OR2M3: variants seen among roughly 807,000 people sequenced by gnomAD.
The protein encoded by OR2M3 is olfactory receptor family 2 subfamily M member 3, also known as olfactory receptor 2M3.
Under a neutral mutation model 4.3 loss-of-function variants are expected in OR2M3, and 1 was observed. That is an observed-to-expected ratio of 0.23 (90% CI 0.08 to 1.11). The LOEUF is 1.11. Ranked by LOEUF, OR2M3 falls within the 50% of genes most tolerant of loss-of-function variation. The pLI, the probability that OR2M3 is intolerant of heterozygous loss-of-function variation, is 0.54. For synonymous variants in OR2M3, 151 were observed against 139.4 expected (o/e 1.08, Z -0.59); for missense variants, 410 against 390.4 (o/e 1.05, Z -0.42).
At position 248,206,571 on chromosome 1, in the gene OR2M3, T is replaced by G. The variant is rs1250213197; in HGVS notation, c.*2565T>G. 1 of 152,126 alleles carries G rather than the reference T, an allele frequency of 6.6e-6. No homozygotes were observed. The highest frequency in any genetic ancestry group is 6.6e-5 in the Admixed American group (1 of 15,252). 9.4% of individuals were successfully genotyped at this position (152,126 alleles called of 1,614,324 possible). On this transcript the variant is annotated 3_prime_UTR_variant, in exon 2 of 2. Transcript: ENST00000641626. ...TCTGTCTATTGAGATGATCATGTGA[T>G]TTTTGTTTTTAATTCTGTTTATGTG... is the stretch of plus-strand genomic sequence containing the variant.
At chr1:248,199,557 C>T (rs1666134315) in intron 1 of OR2M3, among the ~76,000 whole-genome samples, 3 of 152,098 alleles carry the variant, frequency 2.0e-5, no homozygotes, top group African/African-American at 7.2e-5. Flanking sequence ...AGTTGGATCT[C>T]ATATTCCTAG....
rs1666293712 is a variant in OR2M3, at chr1:248,212,649, A to T, written c.*8643A>T. On this transcript the variant is annotated 3_prime_UTR_variant, in exon 2 of 2. Coordinates refer to ENST00000641626, the MANE Select transcript of OR2M3 (RefSeq NM_001004689.2). ...TTATTGTTTTATAATTTTAAACATA[A>T]TTTTTTTCTAAGTTAATTGAAATTA... is the stretch of plus-strand genomic sequence containing the variant. 6.6e-6 allele frequency: 1 copy of T among 151,930 alleles called. No homozygotes were observed. Among genetic ancestry groups the T allele is most frequent in the Non-Finnish European group, 1.5e-5 (1 of 67,936 alleles). The allele number at this position is 151,930 out of a possible 1,614,324, so 9.4% of individuals were successfully genotyped here.
intron 1 of OR2M3, among the ~76,000 whole-genome samples, chr1:248,201,565 A>C (rs1451322055): frequency 2.0e-5 from 3 of 151,888 alleles, no homozygotes; most frequent in African/African-American, 7.3e-5. Context: ...ATTTAACATT[A>C]GGTATATCTC....
intron 1 of OR2M3, among the ~76,000 whole-genome samples, chr1:248,199,637 G>A (rs778142207): frequency 1.3e-5 from 2 of 152,004 alleles, no homozygotes; most frequent in Non-Finnish European, 1.5e-5. Context: ...TTCCTCATGA[G>A]TAACACATTA....
rs1281495064 is a variant in OR2M3, at chr1:248,210,974, T to A, written c.*6968T>A. 6.6e-6 allele frequency: 1 copy of A among 152,226 alleles called. No individual in the cohort carries two copies. The highest frequency in any genetic ancestry group is 1.5e-5 in the Non-Finnish European group (1 of 68,062). The allele number at this position is 152,226 out of a possible 1,614,324, so 9.4% of individuals were successfully genotyped here. On this transcript the variant is annotated 3_prime_UTR_variant, in exon 2 of 2. Coordinates refer to ENST00000641626, the MANE Select transcript of OR2M3 (RefSeq NM_001004689.2). Reference sequence around the variant, plus strand: ...GGAGCTGCAAGCTAGTCCTGCCTCCTATCCACCATCTTAATCCTAGTCAGG... The same window carrying A: ...GGAGCTGCAAGCTAGTCCTGCCTCCAATCCACCATCTTAATCCTAGTCAGG...
intron 1 of OR2M3, among the ~76,000 whole-genome samples, chr1:248,200,574 G>T (rs1666144763): frequency 6.6e-6 from 1 of 152,044 alleles, no homozygotes. Flanking sequence ...AAGGGAGGAG[G>T]TTGAGGCCTG....
rs1666293193 is a variant in OR2M3, at chr1:248,212,596, C to A, written c.*8590C>A. 1 of 151,074 alleles carries A rather than the reference C, an allele frequency of 6.6e-6. No homozygotes were observed. The highest frequency in any genetic ancestry group is 6.6e-5 in the Admixed American group (1 of 15,178). The allele number at this position is 151,074 out of a possible 1,614,324, so 9.4% of individuals were successfully genotyped here. On this transcript the variant is annotated 3_prime_UTR_variant, in exon 2 of 2. Coordinates refer to ENST00000641626, the MANE Select transcript of OR2M3 (RefSeq NM_001004689.2). ...TTAGTTTTTTTTTCTTTTTCTTGGTCTGGTATTAAAGAAGCATTTTCCAAA... is the reference window on the plus strand; with the variant it reads ...TTAGTTTTTTTTTCTTTTTCTTGGTATGGTATTAAAGAAGCATTTTCCAAA...
intron 1 of OR2M3, 80 bp from the exon 2 acceptor site, chr1:248,202,970 C>T (rs1666173863): frequency 8.6e-6 from 11 of 1,275,996 alleles, no homozygotes; most frequent in African/African-American, 1.5e-5. Flanking sequence ...CACCCAACTA[C>T]AGAAGTTACC....
rs1666192967 is a variant in OR2M3, at chr1:248,203,813, G to A, written c.746G>A (p.Gly249Glu). The A allele has an allele frequency of 1.2e-6, 2 of 1,613,060 alleles. No individual in the cohort carries two copies. The highest frequency in any genetic ancestry group is 2.7e-5 in the African/African-American group (2 of 74,804). ...TGTTCCTCTCACCTCTTGGTGGTGG[G>A]AATGTACTATGGAGCAGCTTTGTTC... ...TTCSSHLLVVGMYYGAALFMY... is the reference protein window; with the variant it reads ...TTCSSHLLVVEMYYGAALFMY... The change falls in exon 2 of 2, where the codon GGA (glycine) becomes GAA (glutamate). Residue 249 changes from glycine to glutamate, a missense_variant. Coordinates refer to ENST00000641626, the MANE Select transcript of OR2M3 (RefSeq NM_001004689.2).
chr1:248,202,002 C>T (rs12022610), intron 1 of OR2M3, among the ~76,000 whole-genome samples: 82,859 of 151,860 alleles, frequency 0.55, 23,074 homozygotes, highest in Non-Finnish European at 0.61. Context: ...TGTATGTACT[C>T]ATTCTCTAGA....
chr1:248,203,633 G>T lies in OR2M3; in HGVS notation c.566G>T (p.Cys189Phe). ...CDFPSLLILSCSDTSIFEKIL... is the reference protein window; with the variant it reads ...CDFPSLLILSFSDTSIFEKIL... Reference sequence around the variant, plus strand: ...TTCCCCTCCCTACTAATCCTCTCATGCAGTGACACATCAATATTTGAAAAG... The same window carrying T: ...TTCCCCTCCCTACTAATCCTCTCATTCAGTGACACATCAATATTTGAAAAG... Residue 189 changes from cysteine to phenylalanine, a missense_variant, in exon 2 of 2, where the codon TGC becomes TTC. Cys to Phe is a radical substitution (Grantham distance 205, BLOSUM62 -2). Coordinates refer to ENST00000641626, the MANE Select transcript of OR2M3 (RefSeq NM_001004689.2). The T allele has an allele frequency of 1.2e-6, 2 of 1,613,812 alleles. No individual in the cohort carries two copies. The highest frequency in any genetic ancestry group is 1.1e-5 in the South Asian group (1 of 91,052).
At chr1:248,202,987 A>T in intron 1 of OR2M3, 63 bp from the exon 2 acceptor site, 1 of 1,415,556 alleles carries the variant, frequency 7.1e-7, no homozygotes, top group Non-Finnish European at 9.7e-7. Flanking sequence ...TACCACAATC[A>T]CATGATTTAT....
chr1:248,205,805 G>T lies in OR2M3; in HGVS notation c.*1799G>T, dbSNP rs1193515180. 4 of 151,872 alleles carry T rather than the reference G, an allele frequency of 2.6e-5. No individual in the cohort carries two copies. Among genetic ancestry groups the T allele is most frequent in the African/African-American group, 7.3e-5 (3 of 41,358 alleles). The allele number at this position is 151,872 out of a possible 1,614,324, so 9.4% of individuals were successfully genotyped here. A position where few individuals can be genotyped will look rare whatever the true frequency, so the allele number is the denominator to read the frequency against. On this transcript the variant is annotated 3_prime_UTR_variant, in exon 2 of 2. Transcript: ENST00000641626. ...TTTATTCCATATGAATTTTAGGATT[G>T]TTCTTTCTAGTTCTGTTAAGAAGGA...
Position 248,205,111 on chromosome 1 carries a change from G to A in OR2M3, c.*1105G>A, listed in dbSNP as rs777068712. On this transcript the variant is annotated 3_prime_UTR_variant, in exon 2 of 2. Coordinates refer to ENST00000641626, the MANE Select transcript of OR2M3 (RefSeq NM_001004689.2). ...CTCCTTTTGAGAATTGTCTATTCAT[G>A]TCCTAGGCCCACTTTTTGATGGGAT... 1 of 151,848 alleles carries A rather than the reference G, an allele frequency of 6.6e-6. No homozygotes were observed. The highest frequency in any genetic ancestry group is 2.4e-5 in the African/African-American group (1 of 41,324). The allele number at this position is 151,848 out of a possible 1,614,324, so 9.4% of individuals were successfully genotyped here.
Position 248,204,134 on chromosome 1 carries a change from C to T in OR2M3, c.*128C>T. ...TCTGCAATGACATATTTATGTGCAC[C>T]TATATAATTTATTTCAGATAAACTA... On this transcript the variant is annotated 3_prime_UTR_variant, in exon 2 of 2. Transcript: ENST00000641626. 1.3e-6 allele frequency: 1 copy of T among 758,108 alleles called. No individual in the cohort carries two copies. Among genetic ancestry groups the T allele is most frequent in the Non-Finnish European group, 2.1e-6 (1 of 470,496 alleles). 47.0% of individuals were successfully genotyped at this position (758,108 alleles called of 1,614,324 possible). A position where few individuals can be genotyped will look rare whatever the true frequency, so the allele number is the denominator to read the frequency against.
chr1:248,202,192 C>T (rs1666165084), intron 1 of OR2M3, among the ~76,000 whole-genome samples: 1 of 152,106 alleles, frequency 6.6e-6, no homozygotes, highest in Admixed American at 6.6e-5. Flanking sequence ...ATTCCTCTCT[C>T]CCAGGTTCTT....
rs959455489 is a variant in OR2M3 at position 248,205,355 on chromosome 1, A to T, written c.*1349A>T. The stretch of plus-strand genomic sequence containing the variant: ...ATTAGTTTTTGGGTTCTTGCTCATG[A>T]AACCCTTGCCTAAGCCAATGTCTAC... On this transcript the variant is annotated 3_prime_UTR_variant, in exon 2 of 2. Transcript: ENST00000641626. The T allele has an allele frequency of 2.6e-5, 4 of 152,138 alleles. No individual in the cohort carries two copies. Among genetic ancestry groups the T allele is most frequent in the Non-Finnish European group, 4.4e-5 (3 of 68,008 alleles). 9.4% of individuals were successfully genotyped at this position (152,138 alleles called of 1,614,324 possible). A position where few individuals can be genotyped will look rare whatever the true frequency, so the allele number is the denominator to read the frequency against.
intron 1 of OR2M3, among the ~76,000 whole-genome samples, chr1:248,199,585 A>G (rs1199207112): frequency 1.3e-5 from 2 of 152,134 alleles, no homozygotes; most frequent in Admixed American, 1.3e-4. Flanking sequence ...ATTAAGCACA[A>G]TCTGTCATAT....
chr1:248,208,345 A>G lies in OR2M3; in HGVS notation c.*4339A>G, dbSNP rs751768925. ...TGAGATGTGAGGTACTATTCTATAC[A>G]TCGTGCTATTTGTTACCTGAATATC... is the stretch of plus-strand genomic sequence containing the variant. On this transcript the variant is annotated 3_prime_UTR_variant, in exon 2 of 2. Coordinates refer to ENST00000641626, the MANE Select transcript of OR2M3 (RefSeq NM_001004689.2). The G allele has an allele frequency of 5.9e-5, 9 of 152,128 alleles. No individual in the cohort carries two copies. Among genetic ancestry groups the G allele is most frequent in the Non-Finnish European group, 8.8e-5 (6 of 68,012 alleles). 9.4% of individuals were successfully genotyped at this position (152,128 alleles called of 1,614,324 possible). A position where few individuals can be genotyped will look rare whatever the true frequency, so the allele number is the denominator to read the frequency against.
Sources: allele counts gnomAD v4.1 joint callset (sites outside exome capture counted in the v4.1 genomes callset), GRCh38; gene constraint gnomAD v4.1.1; transcripts MANE v1.5; gene names NCBI Gene and HGNC (gene_info 2026-07-23, HGNC 2026-07-21).